Variants in RNF130 observed in about 807,000 individuals in gnomAD.
RNF130 encodes the protein E3 ubiquitin-protein ligase RNF130.
A neutral mutation model predicts 44.6 loss-of-function variants in RNF130; 21 were observed. That is an observed-to-expected ratio of 0.47 (90% CI 0.33 to 0.68). The LOEUF is 0.68. RNF130 is among the 30% of genes least tolerant of loss of function. RNF130 has a pLI of 0.02. For missense variants in RNF130, 479 were observed against 560.6 expected, an observed-to-expected ratio of 0.85 and a Z score of 1.47; for synonymous variants, 214 against 210.4, an observed-to-expected ratio of 1.02 and a Z score of -0.15.
intron 3 of RNF130, among the ~76,000 whole-genome samples, chr5:180,007,788 A>G (rs1418192913): frequency 6.6e-6 from 1 of 152,072 alleles, no homozygotes; most frequent in Non-Finnish European, 1.5e-5. Context: ...CCGGCCCCAC[A>G]CTGGGTGCTA....
At chr5:179,997,529 C>T (rs1192502685) in intron 3 of RNF130, among the ~76,000 whole-genome samples, 4 of 152,036 alleles carry the variant, frequency 2.6e-5, no homozygotes, top group Admixed American at 6.6e-5. Context: ...GGGGTTTCAC[C>T]GTGTTAGCCA....
chr5:179,946,615 G>A (rs1213905887), intron 7 of RNF130, among the ~76,000 whole-genome samples: 1 of 150,406 alleles, frequency 6.6e-6, no homozygotes, highest in Non-Finnish European at 1.5e-5. Context: ...GTGCAGTGGT[G>A]TGATCTTGGC....
exon 8 of RNF130, chr5:179,915,476 A>C (rs1322446915): frequency 1.3e-5 from 2 of 152,496 alleles, no homozygotes; most frequent in Non-Finnish European, 2.9e-5. Flanking sequence ...AGCCCCTGCC[A>C]GCCCAGACCC....
exon 8 of RNF130, chr5:179,918,311 T>G (rs901419374): frequency 4.6e-5 from 7 of 152,240 alleles, no homozygotes; most frequent in African/African-American, 1.7e-4. Context: ...TTTGTACTTC[T>G]TCTCACGTAA....
chr5:180,020,107 G>A (rs1315173025), intron 2 of RNF130, among the ~76,000 whole-genome samples: 2 of 152,194 alleles, frequency 1.3e-5, no homozygotes, highest in Non-Finnish European at 2.9e-5. Flanking sequence ...ACAGGACACA[G>A]GAGTTTGCAA....
chr5:179,987,607 A>G (rs1762984642), intron 3 of RNF130, among the ~76,000 whole-genome samples: 1 of 152,216 alleles, frequency 6.6e-6, no homozygotes, highest in South Asian at 2.1e-4. Flanking sequence ...CCTAATCAAT[A>G]TGATGTTAGC....
chr5:180,046,497 T>C (rs1415842679), intron 1 of RNF130, among the ~76,000 whole-genome samples: 2 of 152,240 alleles, frequency 1.3e-5, no homozygotes, highest in Non-Finnish European at 2.9e-5. Flanking sequence ...CCATGTTGTG[T>C]AGGCTAAGGG....
At chr5:180,060,263 T>C (rs1764941582) in intron 1 of RNF130, among the ~76,000 whole-genome samples, 1 of 152,230 alleles carries the variant, frequency 6.6e-6, no homozygotes. Context: ...CACCTAGTTT[T>C]TGGTGATTTG....
exon 8 of RNF130, chr5:179,918,945 C>T (rs1431643233): frequency 4.6e-5 from 7 of 152,188 alleles, no homozygotes; most frequent in Non-Finnish European, 7.3e-5. Flanking sequence ...TCACTTCAAA[C>T]GTATATTCCA....
rs116782725 is a variant in RNF130 at position 180,009,670 on chromosome 5, C to T, written c.693+3391G>A. Among the ~76,000 whole-genome samples the T allele has an allele frequency of 6.8e-3, 1,037 of 152,278 alleles. 10 individuals carry two copies. Among genetic ancestry groups the T allele is most frequent in the African/African-American group, 0.024 (982 of 41,536 alleles). ...CTTTGCAAAATGAGTCTAACAGTTT[C>T]CTACAGAACTAAATATGCACTTATC... On this transcript the variant is annotated intron_variant, in intron 3 of 8. Coordinates refer to ENST00000521389, the MANE Select transcript of RNF130 (RefSeq NM_018434.6).
At chr5:179,967,072 A>T in intron 6 of RNF130, 62 bp from the exon 7 acceptor site, 1 of 1,471,530 alleles carries the variant, frequency 6.8e-7, no homozygotes, top group Non-Finnish European at 9.4e-7. Context: ...ATAAGATTCT[A>T]AAAAAGATTC....
At chr5:180,028,682 G>A (rs931082370) in intron 2 of RNF130, among the ~76,000 whole-genome samples, 2 of 152,080 alleles carry the variant, frequency 1.3e-5, no homozygotes, top group Non-Finnish European at 2.9e-5. Context: ...AAGTGTTCCC[G>A]GCAAACACTC....
chr5:180,040,751 G>A, intron 1 of RNF130, 104 bp from the exon 2 acceptor site: 1 of 1,017,130 alleles, frequency 9.8e-7, no homozygotes, highest in South Asian at 1.7e-5. Context: ...TAAAGCACGT[G>A]AAGCAGCTCG....
intron 3 of RNF130, among the ~76,000 whole-genome samples, chr5:180,011,776 AAAG>A (rs1763601363): frequency 2.0e-5 from 3 of 152,060 alleles, no homozygotes; most frequent in African/African-American, 2.4e-5. Flanking sequence ...TAAAAAAAAA[AAAG>A]TTTTTTAAAT....
chr5:180,042,949 A>G (rs572515392), intron 1 of RNF130, among the ~76,000 whole-genome samples: 3 of 152,350 alleles, frequency 2.0e-5, no homozygotes, highest in African/African-American at 7.2e-5. Context: ...AAATTCTCCC[A>G]TCTTTAATTT....
At chr5:179,976,258 A>C (rs27014) in intron 5 of RNF130, among the ~76,000 whole-genome samples, 72,798 of 152,112 alleles carry the variant, frequency 0.48, 18,684 homozygotes, top group African/African-American at 0.68. Context: ...CCCAGAATAA[A>C]CTACTTTAGG....
At chr5:179,966,001 C>T (rs532158078) in intron 7 of RNF130, among the ~76,000 whole-genome samples, 9 of 152,218 alleles carry the variant, frequency 5.9e-5, no homozygotes, top group African/African-American at 2.2e-4. Flanking sequence ...AAGGCAACAG[C>T]AGAGCAGCAA....
At chr5:180,047,645 G>A (rs1039736178) in intron 1 of RNF130, among the ~76,000 whole-genome samples, 1 of 152,162 alleles carries the variant, frequency 6.6e-6, no homozygotes, top group Non-Finnish European at 1.5e-5. Context: ...TCGGGAGGCT[G>A]AGGCAGAAGA....
chr5:179,929,001 T>C (rs1180078148), intron 7 of RNF130, among the ~76,000 whole-genome samples: 2 of 152,200 alleles, frequency 1.3e-5, no homozygotes, highest in African/African-American at 4.8e-5. Context: ...TTTTATTTTA[T>C]GGTTAGGGCT....
Sources: allele counts gnomAD v4.1 joint callset (sites outside exome capture counted in the v4.1 genomes callset), GRCh38; gene constraint gnomAD v4.1.1; transcripts MANE v1.5; gene names NCBI Gene and HGNC (gene_info 2026-07-23, HGNC 2026-07-21).